DOCK1: variants seen among roughly 807,000 people sequenced by gnomAD.
The protein encoded by DOCK1 is dedicator of cytokinesis protein 1.
DOCK1 carries 138 observed loss-of-function variants against 262.7 expected under a neutral mutation model. The ratio of observed to expected loss-of-function variants is 0.53; its 90% CI spans 0.46 to 0.61. DOCK1 has a LOEUF of 0.61. DOCK1 is among the 20% of genes least tolerant of loss of function. The pLI is 0.00. For missense variants in DOCK1, 1,908 were observed against 2,370.7 expected (o/e 0.80, Z 4.05); for synonymous variants, 866 against 867.4 (o/e 1.00, Z 0.03).
intron 27 of DOCK1, among the ~76,000 whole-genome samples, chr10:127,147,219 T>G (rs2051955786): frequency 6.6e-6 from 1 of 152,192 alleles, no homozygotes; most frequent in African/African-American, 2.4e-5. Flanking sequence ...TGTGGTGGAC[T>G]GGGATGTTCT....
intron 27 of DOCK1, among the ~76,000 whole-genome samples, chr10:127,165,615 T>C (rs1245205767): frequency 6.6e-6 from 1 of 152,176 alleles, no homozygotes; most frequent in East Asian, 1.9e-4. Context: ...CAGTATCAAA[T>C]GTTTGTTGTT....
rs948122002 is a variant in DOCK1, at chr10:126,928,305, G to T, written c.46+22742G>T. 4.5e-3 allele frequency among the ~76,000 whole-genome samples: 682 copies of T among 152,352 alleles called. 5 individuals carry two copies. The highest frequency in any genetic ancestry group is 0.016 in the African/African-American group (648 of 41,590). ...TCAGCCTGATGAGCTGCTGAGAGCC[G>T]TGTCCACGGCTGGTGTCCATGCGTC... On this transcript the variant is annotated intron_variant, in intron 1 of 51. Transcript: ENST00000623213.
At chr10:127,418,600 T>C in intron 45 of DOCK1, 59 bp downstream of exon 45, 1 of 1,537,152 alleles carries the variant, frequency 6.5e-7, no homozygotes, top group Non-Finnish European at 8.7e-7. Flanking sequence ...AGACTGAAAA[T>C]TCCCGAGAGT....
At chr10:127,173,968 C>T (rs544869027) in intron 27 of DOCK1, among the ~76,000 whole-genome samples, 1 of 152,344 alleles carries the variant, frequency 6.6e-6, no homozygotes, top group Non-Finnish European at 1.5e-5. Flanking sequence ...CAGCCAGAGC[C>T]CAGGGCAGGA....
At chr10:126,945,702 C>CACCGG (rs2035347215) in intron 1 of DOCK1, among the ~76,000 whole-genome samples, 1 of 152,170 alleles carries the variant, frequency 6.6e-6, no homozygotes, top group Non-Finnish European at 1.5e-5. Flanking sequence ...GTTTTGCTGC[C>CACCGG]ACCGGCCTCT....
At position 127,100,646 on chromosome 10, in the gene DOCK1, G is replaced by A. The variant is rs2048187493; in HGVS notation, c.2446-5585G>A. Among the ~76,000 whole-genome samples the A allele has an allele frequency of 6.6e-6, 1 of 152,124 alleles. No homozygotes were observed. Among genetic ancestry groups the A allele is most frequent in the Non-Finnish European group, 1.5e-5 (1 of 68,014 alleles). On this transcript the variant is annotated intron_variant, in intron 23 of 51. Coordinates refer to ENST00000623213, the MANE Select transcript of DOCK1 (RefSeq NM_001290223.2). The surrounding 1 kb of genome is among the most constrained non-coding windows in gnomAD (Gnocchi z 5.5). Reference sequence around the variant, plus strand: ...GGACCCCGAGGAACCCACAGGCAAGGGGCTGGGGGAGCAGGGCCCTGCGCA... The same window carrying A: ...GGACCCCGAGGAACCCACAGGCAAGAGGCTGGGGGAGCAGGGCCCTGCGCA...
At chr10:127,026,212 T>A in intron 15 of DOCK1, 140 bp from the exon 16 acceptor site, 1 of 821,790 alleles carries the variant, frequency 1.2e-6, no homozygotes, top group Admixed American at 2.7e-5. Context: ...GGAAAAATCA[T>A]ATAGGGGACT....
intron 1 of DOCK1, among the ~76,000 whole-genome samples, chr10:126,960,498 G>C (rs904408218): frequency 1.7e-3 from 252 of 151,142 alleles, no homozygotes; most frequent in Non-Finnish European, 2.6e-3. Flanking sequence ...ACTGTCGTGG[G>C]GGAGTGGCAG....
At chr10:127,352,598 G>GT (rs982243703) in intron 31 of DOCK1, among the ~76,000 whole-genome samples, 25 of 151,516 alleles carry the variant, frequency 1.6e-4, no homozygotes, top group East Asian at 3.9e-4. Context: ...GCAGTGGCCA[G>GT]TTTTTTTTTC....
At chr10:127,387,421 C>T (rs538810862) in intron 38 of DOCK1, among the ~76,000 whole-genome samples, 1 of 152,306 alleles carries the variant, frequency 6.6e-6, no homozygotes, top group Admixed American at 6.5e-5. Flanking sequence ...TTCTGGGCTA[C>T]CTGTTACTTT....
At chr10:127,428,254 T>C (rs1253876838) in intron 47 of DOCK1, among the ~76,000 whole-genome samples, 4 of 152,246 alleles carry the variant, frequency 2.6e-5, no homozygotes, top group Admixed American at 1.3e-4. Context: ...TTAATGTATA[T>C]TTCAAAATCA....
Position 127,156,717 on chromosome 10 carries a change from C to G in DOCK1, c.2847+28953C>G, listed in dbSNP as rs562275273. Reference sequence around the variant, plus strand: ...CCGAGTAGCTGGGATTACAGGCATACGCCACCACTCCCGGCTAATTTTGTA... The same window carrying G: ...CCGAGTAGCTGGGATTACAGGCATAGGCCACCACTCCCGGCTAATTTTGTA... On this transcript the variant is annotated intron_variant, in intron 27 of 51. Coordinates refer to ENST00000623213, the MANE Select transcript of DOCK1 (RefSeq NM_001290223.2). Among the ~76,000 whole-genome samples, 5 of 151,980 alleles carry G rather than the reference C, an allele frequency of 3.3e-5. No homozygotes were observed. In the East Asian group the frequency reaches 9.8e-4, roughly 30 times the overall value.
chr10:127,307,603 A>G (rs1346371393), intron 29 of DOCK1, among the ~76,000 whole-genome samples: 1 of 152,156 alleles, frequency 6.6e-6, no homozygotes, highest in Non-Finnish European at 1.5e-5. Context: ...AGGATGGCAA[A>G]CACCTCTGCA....
chr10:127,246,714 G>A (rs1051496201), intron 27 of DOCK1, among the ~76,000 whole-genome samples: 1 of 152,172 alleles, frequency 6.6e-6, no homozygotes, highest in Non-Finnish European at 1.5e-5. Flanking sequence ...AAGTAGATAT[G>A]TGTACTATAG....
chr10:127,261,609 AC>A (rs1204009703), intron 29 of DOCK1, among the ~76,000 whole-genome samples: 1 of 85,822 alleles, frequency 1.2e-5, no homozygotes, highest in Non-Finnish European at 2.1e-5. Flanking sequence ...GCCTGCATGT[AC>A]CCGTGCTCAT....
intron 23 of DOCK1, among the ~76,000 whole-genome samples, chr10:127,094,610 CTGCGCCATTT>C (rs1367722055): frequency 6.6e-6 from 1 of 152,174 alleles, no homozygotes; most frequent in Non-Finnish European, 1.5e-5. Context: ...GCAGAATATT[CTGCGCCATTT>C]TGCCTCGTTC....
intron 29 of DOCK1, among the ~76,000 whole-genome samples, chr10:127,331,811 C>T (rs915742786): frequency 2.0e-5 from 3 of 152,170 alleles, no homozygotes; most frequent in Non-Finnish European, 4.4e-5. Flanking sequence ...GTGGTATACA[C>T]GATGTGGCAT....
At chr10:127,417,738 G>A (rs979066252) in intron 44 of DOCK1, among the ~76,000 whole-genome samples, 5 of 152,088 alleles carry the variant, frequency 3.3e-5, no homozygotes, top group East Asian at 3.9e-4. Context: ...ACCACACCTG[G>A]CTAATTTTTG....
At chr10:126,917,360 A>G (rs2032624524) in intron 1 of DOCK1, among the ~76,000 whole-genome samples, 1 of 152,194 alleles carries the variant, frequency 6.6e-6, no homozygotes, top group African/African-American at 2.4e-5. Context: ...AGCTCAACCA[A>G]CATATTCAGG....
Sources: allele counts gnomAD v4.1 joint callset (sites outside exome capture counted in the v4.1 genomes callset), GRCh38; gene constraint gnomAD v4.1.1; non-coding constraint Gnocchi (gnomAD v3.1); transcripts MANE v1.5; gene names NCBI Gene and HGNC (gene_info 2026-07-23, HGNC 2026-07-21).